PIK3R3: variants seen among roughly 807,000 people sequenced by gnomAD.
PIK3R3 encodes the protein phosphoinositide-3-kinase regulatory subunit 3.
Under a neutral mutation model 62.9 loss-of-function variants are expected in PIK3R3, and 64 were observed. The ratio of observed to expected loss-of-function variants is 1.02; its 90% CI spans 0.83 to 1.25. The LOEUF (loss-of-function observed/expected upper bound fraction) is 1.25. PIK3R3 is among the 50% of genes most tolerant of loss of function. PIK3R3 has a pLI of 0.00. For synonymous variants in PIK3R3, 165 were observed against 189.0 expected (o/e 0.87, Z 1.04); for missense variants, 614 against 561.6 (o/e 1.09, Z -0.94).
At chr1:46,144,099 A>G in the PIK3R3 span, among the ~76,000 whole-genome samples, 3 of 152,186 alleles carry the variant, frequency 2.0e-5, no homozygotes, top group African/African-American at 7.2e-5. Context: ...AGTTTCTTTC[A>G]TAAATATTTG....
At chr1:46,162,363 A>G in the PIK3R3 span, among the ~76,000 whole-genome samples, 4 of 151,760 alleles carry the variant, frequency 2.6e-5, no homozygotes, top group African/African-American at 9.7e-5. Context: ...GTGTGCCTGT[A>G]GTTCCAGCTA....
At chr1:46,151,373 C>A in the PIK3R3 span, among the ~76,000 whole-genome samples, 2 of 152,158 alleles carry the variant, frequency 1.3e-5, no homozygotes, top group Non-Finnish European at 2.9e-5. Context: ...GGCTGCCCCT[C>A]TTTCTAGGAT....
At chr1:46,162,502 G>A in the PIK3R3 span, among the ~76,000 whole-genome samples, 5 of 151,608 alleles carry the variant, frequency 3.3e-5, 1 homozygote, top group South Asian at 4.2e-4. Flanking sequence ...AAATTAAAGC[G>A]AGATACAAAA....
intron 6 of PIK3R3, 152 bp downstream of exon 6, chr1:46,061,777 A>G (rs1648510415): frequency 2.7e-6 from 2 of 727,458 alleles, no homozygotes; most frequent in Non-Finnish European, 2.4e-6. Flanking sequence ...GGAGAGAGGA[A>G]GTTCAATTTG....
Position 46,067,084 on chromosome 1 carries a change from C to T in PIK3R3, c.322G>A (p.Gly108Ser). The T allele has an allele frequency of 2.6e-6, 4 of 1,560,666 alleles. No individual in the cohort carries two copies. The highest frequency in any genetic ancestry group is 3.5e-6 in the Non-Finnish European group (4 of 1,155,792). Residue 108 changes from glycine to serine, a missense_variant, in exon 4 of 10, where the codon GGC becomes AGC. Physicochemically the swap from Gly to Ser is moderately conservative, Grantham distance 56. Coordinates refer to ENST00000262741, the MANE Select transcript of PIK3R3 (RefSeq NM_003629.4). Reference sequence around the variant, plus strand: ...TAGATCTTTATTAACTTATTATTGCCTCCCTTCCTGTGAACAACAAGACAA... The same window carrying T: ...TAGATCTTTATTAACTTATTATTGCTTCCCTTCCTGTGAACAACAAGACAA... ...GDYTLTLRKGGNNKLIKIYHR... is the reference protein window; with the variant it reads ...GDYTLTLRKGSNNKLIKIYHR...
chr1:46,132,464 C>T lies in PIK3R3; in HGVS notation c.-512G>A, dbSNP rs1490172537. The T allele has an allele frequency of 5.0e-6, 6 of 1,196,506 alleles. No homozygotes were observed. Among genetic ancestry groups the T allele is most frequent in the Middle Eastern group, 3.8e-4 (1 of 2,664 alleles). The allele number at this position is 1,196,506 out of a possible 1,614,324, so 74.1% of individuals were successfully genotyped here. On this transcript the variant is annotated 5_prime_UTR_variant, in exon 1 of 10. Coordinates refer to ENST00000262741, the MANE Select transcript of PIK3R3 (RefSeq NM_003629.4). ...ACTGGTCTGCAGAGAGCGAATCCCC[C>T]AGAGGCCGGGACTCGGGCTCCTCTC... is the stretch of plus-strand genomic sequence containing the variant.
At chr1:46,056,909 G>C (rs1279912104) in intron 6 of PIK3R3, 1 of 152,204 alleles carries the variant, frequency 6.6e-6, no homozygotes, top group Non-Finnish European at 1.5e-5. Context: ...ACCTACATCT[G>C]AATCTCTGCT....
At chr1:46,131,651 G>A in intron 1 of PIK3R3, 196 bp downstream of exon 1, 1 of 476,174 alleles carries the variant, frequency 2.1e-6, no homozygotes. Context: ...ACCTTCGCAG[G>A]ACAATAGGAT....
chr1:46,089,289 G>C (rs1433383134), intron 1 of PIK3R3, among the ~76,000 whole-genome samples: 1 of 152,142 alleles, frequency 6.6e-6, no homozygotes, highest in Non-Finnish European at 1.5e-5. Flanking sequence ...ATGAAGGGCA[G>C]TTTAGAGGGT....
chr1:46,131,839 C>A lies in PIK3R3; in HGVS notation c.106+8G>T, dbSNP rs1358006439. 6.2e-7 allele frequency: 1 copy of A among 1,610,224 alleles called. No homozygotes were observed. Among genetic ancestry groups the A allele is most frequent in the Non-Finnish European group, 8.5e-7 (1 of 1,177,728 alleles). ...TCACGAGATTCTTTTTTTTTTTCTCCCAAGTACCTGGAGGATCCATTTCAA... is the reference window on the plus strand; with the variant it reads ...TCACGAGATTCTTTTTTTTTTTCTCACAAGTACCTGGAGGATCCATTTCAA... On this transcript the variant is annotated splice_region_variant and intron_variant, in intron 1 of 9. Transcript: ENST00000262741.
At chr1:46,118,891 T>C (rs1654424016) in intron 1 of PIK3R3, among the ~76,000 whole-genome samples, 1 of 151,822 alleles carries the variant, frequency 6.6e-6, no homozygotes, top group African/African-American at 2.4e-5. Flanking sequence ...CTCATTCCAT[T>C]CTAGCCATAC....
intron 7 of PIK3R3, among the ~76,000 whole-genome samples, chr1:46,050,107 G>C (rs1425341491): frequency 7.3e-6 from 1 of 137,552 alleles, no homozygotes; most frequent in Non-Finnish European, 1.5e-5. Context: ...GGCAACAAGA[G>C]TGAAACTCTG....
chr1:46,127,342 CAAA>C (rs11337913), intron 1 of PIK3R3, among the ~76,000 whole-genome samples: 26 of 127,034 alleles, frequency 2.0e-4, no homozygotes, highest in Non-Finnish European at 2.6e-4. Flanking sequence ...GACCCTGCCT[CAAA>C]AAAAAAAAAA....
upstream of PIK3R3, chr1:46,132,669 G>T (rs1489622707): frequency 2.3e-6 from 3 of 1,289,626 alleles, no homozygotes. Context: ...CGGCGCGGAG[G>T]GGACACCCTC....
At chr1:46,134,873 C>T (rs571117858), upstream of PIK3R3, among the ~76,000 whole-genome samples, 61 of 152,274 alleles carry the variant, frequency 4.0e-4, 1 homozygote, top group African/African-American at 1.4e-3. Context: ...GATGAAGTGA[C>T]GTCCAAGCAC....
intron 1 of PIK3R3, among the ~76,000 whole-genome samples, chr1:46,088,021 A>G (rs1484019954): frequency 1.3e-5 from 2 of 152,152 alleles, no homozygotes; most frequent in East Asian, 3.8e-4. Context: ...AAAGTTCTGG[A>G]GGTGGATGGT....
chr1:46,085,442 C>G (rs1234333471), intron 1 of PIK3R3, among the ~76,000 whole-genome samples: 1 of 152,142 alleles, frequency 6.6e-6, no homozygotes, highest in East Asian at 1.9e-4. Flanking sequence ...TCAAATGTAG[C>G]TCTATCAAAC....
chr1:46,147,486 C>T, the PIK3R3 span, among the ~76,000 whole-genome samples: 2 of 152,086 alleles, frequency 1.3e-5, no homozygotes, highest in South Asian at 2.1e-4. Flanking sequence ...GGTGCGATCT[C>T]GGCTCACTAC....
intron 1 of PIK3R3, among the ~76,000 whole-genome samples, chr1:46,100,509 C>A (rs1313503018): frequency 1.3e-5 from 2 of 152,134 alleles, no homozygotes; most frequent in Non-Finnish European, 2.9e-5. Flanking sequence ...TGTGCCAATA[C>A]CACATTGCCT....
Sources: allele counts gnomAD v4.1 joint callset (sites outside exome capture counted in the v4.1 genomes callset), GRCh38; gene constraint gnomAD v4.1.1; transcripts MANE v1.5; gene names NCBI Gene and HGNC (gene_info 2026-07-23, HGNC 2026-07-21).